The following SLC23A2 variants were observed in gnomAD, a reference collection of about 807,000 sequenced individuals.
SLC23A2 encodes the protein Na(+)/L-ascorbic acid transporter 2.
Under a neutral mutation model 73.3 loss-of-function variants are expected in SLC23A2, and 36 were observed. That is an observed-to-expected ratio of 0.49 (90% CI 0.38 to 0.65). The LOEUF (loss-of-function observed/expected upper bound fraction) is 0.65. SLC23A2 is among the 30% of genes least tolerant of loss of function. SLC23A2 has a pLI of 0.00. For missense variants in SLC23A2, 507 were observed against 841.6 expected (o/e 0.60, Z 4.92); for synonymous variants, 343 against 327.3 (o/e 1.05, Z -0.52).
chr20:4,955,519 T>C (rs1017150498), intron 2 of SLC23A2, among the ~76,000 whole-genome samples: 1 of 152,148 alleles, frequency 6.6e-6, no homozygotes, highest in Admixed American at 6.6e-5. Flanking sequence ...TTGGGTGCGA[T>C]GGCTCATGCC....
chr20:4,899,663 G>A lies in SLC23A2; in HGVS notation c.374C>T (p.Ala125Val), dbSNP rs1931674597. 2 of 1,614,160 alleles carry A rather than the reference G, an allele frequency of 1.2e-6. No homozygotes were observed. The highest frequency in any genetic ancestry group is 8.5e-7 in the Non-Finnish European group (1 of 1,180,012). ...SGTIAVPFLLADAMCVGYDQW... is the reference protein window; with the variant it reads ...SGTIAVPFLLVDAMCVGYDQW... ...GTCGTACCCCACACACATGGCATCG[G>A]CCAACAGGAAGGGCACTGCGATCGT... is the stretch of plus-strand genomic sequence containing the variant. The change falls in exon 6 of 17, where the codon GCC becomes GTC. Residue 125 changes from alanine (A) to valine (V), a missense_variant. Around this residue, in one of 5 missense-constraint regions of SLC23A2, gnomAD observed 217 missense variants for 398.0 expected, o/e 0.55. Transcript: ENST00000338244. This position sits in a 1 kb window ranked among gnomAD's most constrained non-coding sequence, Gnocchi z 4.9.
At chr20:5,010,094 CA>C (rs1298620633) in intron 1 of SLC23A2, 4,892 of 55,866 alleles carry the variant, frequency 0.088, 63 homozygotes, top group African/African-American at 0.14. Flanking sequence ...GACTCCGTCT[CA>C]AAAAAAAAAA....
At chr20:4,997,867 C>T (rs754363158) in intron 1 of SLC23A2, among the ~76,000 whole-genome samples, 23 of 152,206 alleles carry the variant, frequency 1.5e-4, no homozygotes, top group South Asian at 4.1e-4. Context: ...AGTGATCCTC[C>T]TGCCTCAGCC....
Position 4,899,839 on chromosome 20 carries a change from C to T in SLC23A2, c.325-127G>A, listed in dbSNP as rs57431670. 9.2e-4 allele frequency: 857 copies of T among 929,454 alleles called. 4 individuals are homozygous for T. The African/African-American group carries it at 0.012, about 13-fold the overall frequency. 57.6% of individuals were successfully genotyped at this position (929,454 alleles called of 1,614,324 possible). On this transcript the variant is annotated intron_variant, in intron 5 of 16. Transcript: ENST00000338244. This position sits in a 1 kb window ranked among gnomAD's most constrained non-coding sequence, Gnocchi z 4.9. ...CACATAAAGAATCTCCTTGGTTTTTCGACCAAGCCATACTTTTTTCCTTCT... is the reference window on the plus strand; with the variant it reads ...CACATAAAGAATCTCCTTGGTTTTTTGACCAAGCCATACTTTTTTCCTTCT...
intron 3 of SLC23A2, among the ~76,000 whole-genome samples, chr20:4,922,547 G>T (rs150241892): frequency 4.6e-5 from 7 of 152,272 alleles, no homozygotes; most frequent in African/African-American, 1.4e-4. Flanking sequence ...GAGGTGAGAG[G>T]CCGGGCACAG....
At chr20:4,945,477 G>A (rs1387222521) in intron 2 of SLC23A2, among the ~76,000 whole-genome samples, 1 of 151,946 alleles carries the variant, frequency 6.6e-6, no homozygotes, top group Non-Finnish European at 1.5e-5. Flanking sequence ...GTAGAGACAG[G>A]GTCTACTTGT....
At chr20:4,959,274 C>A (rs1483883311) in intron 2 of SLC23A2, among the ~76,000 whole-genome samples, 1 of 150,678 alleles carries the variant, frequency 6.6e-6, no homozygotes, top group Non-Finnish European at 1.5e-5. Flanking sequence ...AGAACAAAAA[C>A]AGACAATACC....
At chr20:4,886,873 C>T (rs1042345899) in intron 6 of SLC23A2, among the ~76,000 whole-genome samples, 6 of 152,140 alleles carry the variant, frequency 3.9e-5, no homozygotes, top group African/African-American at 1.4e-4. Flanking sequence ...AGACAGGGAC[C>T]CAGCATCCTT....
intron 7 of SLC23A2, among the ~76,000 whole-genome samples, chr20:4,885,396 A>G (rs771944486): frequency 3.9e-5 from 6 of 152,212 alleles, no homozygotes; most frequent in Admixed American, 2.0e-4. Context: ...AAGAAGGGGA[A>G]TGAAAGTCAT....
intron 2 of SLC23A2, among the ~76,000 whole-genome samples, chr20:4,936,892 G>C (rs984881630): frequency 6.6e-6 from 1 of 152,184 alleles, no homozygotes; most frequent in African/African-American, 2.4e-5. Flanking sequence ...GAGCACAGGA[G>C]AGGATGAGAC....
intron 2 of SLC23A2, among the ~76,000 whole-genome samples, chr20:4,950,112 C>T (rs1013343662): frequency 3.3e-5 from 5 of 152,180 alleles, no homozygotes; most frequent in Admixed American, 1.3e-4. Flanking sequence ...TTATGGTTTC[C>T]TTAACATCAA....
At chr20:4,934,802 G>A (rs977587709) in intron 2 of SLC23A2, among the ~76,000 whole-genome samples, 1 of 151,856 alleles carries the variant, frequency 6.6e-6, no homozygotes, top group African/African-American at 2.4e-5. Context: ...GCCGGACGTT[G>A]CAGTGAGCCA....
chr20:4,975,148 T>C lies in SLC23A2; in HGVS notation c.-281-4229A>G, dbSNP rs115099416. 7.2e-3 allele frequency among the ~76,000 whole-genome samples: 1,095 copies of C among 152,284 alleles called. 18 individuals carry two copies. Among genetic ancestry groups the C allele is most frequent in the African/African-American group, 0.026 (1,066 of 41,560 alleles). ...AATGGAGAAAATTACAAAAGCAAAT[T>C]ACTCTTTTCCAAAAGGTGCTAGGCC... On this transcript the variant is annotated intron_variant, in intron 1 of 16. Transcript: ENST00000338244.
chr20:4,893,607 C>T (rs1451943457), intron 6 of SLC23A2, among the ~76,000 whole-genome samples: 7 of 152,130 alleles, frequency 4.6e-5, no homozygotes, highest in Admixed American at 6.5e-5. Flanking sequence ...ATTACGGGCC[C>T]CAGGAACCTG....
chr20:4,890,415 G>A (rs1931287280), intron 6 of SLC23A2, among the ~76,000 whole-genome samples: 1 of 152,154 alleles, frequency 6.6e-6, no homozygotes, highest in Non-Finnish European at 1.5e-5. Context: ...TACTTCGGGA[G>A]GCCAAGGCAG....
rs112730829 is a variant in SLC23A2, at chr20:4,912,852, T to C, written c.207+28A>G. ...TTGTGGGAGGGGATGGCGGTGGGAG[T>C]GGGGACACGGGGTGACGGAAGGGGT... On this transcript the variant is annotated intron_variant, in intron 4 of 16. Coordinates refer to ENST00000338244, the MANE Select transcript of SLC23A2 (RefSeq NM_005116.6). The C allele has an allele frequency of 1.5e-5, 21 of 1,432,274 alleles. No individual in the cohort carries two copies. In the African/African-American group the frequency reaches 2.4e-4, roughly 16 times the overall value. 88.7% of individuals were successfully genotyped at this position (1,432,274 alleles called of 1,614,324 possible). A position where few individuals can be genotyped will look rare whatever the true frequency, so the allele number is the denominator to read the frequency against.
Position 4,868,627 on chromosome 20 carries a change from C to A in SLC23A2, c.1251-752G>T, listed in dbSNP as rs993085731. Among the ~76,000 whole-genome samples, 1 of 152,172 alleles carries A rather than the reference C, an allele frequency of 6.6e-6. No individual in the cohort carries two copies. The highest frequency in any genetic ancestry group is 6.5e-5 in the Admixed American group (1 of 15,284). ...TGTTTTATAATTTCATAAGTACTGACACTTTTAAACATACTGATATACAGG... is the reference window on the plus strand; with the variant it reads ...TGTTTTATAATTTCATAAGTACTGAAACTTTTAAACATACTGATATACAGG... On this transcript the variant is annotated intron_variant, in intron 12 of 16. Coordinates refer to ENST00000338244, the MANE Select transcript of SLC23A2 (RefSeq NM_005116.6). The surrounding 1 kb of genome is among the most constrained non-coding windows in gnomAD (Gnocchi z 4.4).
chr20:4,880,235 G>C (rs1359381754), intron 9 of SLC23A2, among the ~76,000 whole-genome samples: 10 of 152,200 alleles, frequency 6.6e-5, no homozygotes, highest in Admixed American at 6.5e-4. Flanking sequence ...AGTGCATATA[G>C]TCTCTGTTCC....
chr20:4,942,091 C>G (rs771113877), intron 2 of SLC23A2, among the ~76,000 whole-genome samples: 1 of 152,154 alleles, frequency 6.6e-6, no homozygotes. Context: ...CCTTACTCCT[C>G]AGACTCAAGT....
Sources: allele counts gnomAD v4.1 joint callset (sites outside exome capture counted in the v4.1 genomes callset), GRCh38; gene constraint gnomAD v4.1.1; regional missense constraint gnomAD v4.1.1; non-coding constraint Gnocchi (gnomAD v3.1); transcripts MANE v1.5; gene names NCBI Gene and HGNC (gene_info 2026-07-23, HGNC 2026-07-21).